Variants in PLCL1 observed in about 807,000 individuals in gnomAD.
The protein encoded by PLCL1 is phospholipase C like 1 (inactive).
In PLCL1, 41 loss-of-function variants were observed where a neutral mutation model predicts 84.4. That is an observed-to-expected ratio of 0.49 (90% confidence interval 0.38 to 0.63). PLCL1 has a LOEUF of 0.63. Ranked by LOEUF, PLCL1 falls within the 30% of genes least tolerant of loss-of-function variation. PLCL1 has a pLI of 0.00. For synonymous variants in PLCL1, 490 were observed against 488.3 expected (o/e 1.00, Z -0.05); for missense variants, 1,206 against 1,367.8 (o/e 0.88, Z 1.87).
chr2:197,939,986 T>G (rs866192472), intron 1 of PLCL1, among the ~76,000 whole-genome samples: 144 of 152,292 alleles, frequency 9.5e-4, no homozygotes, highest in African/African-American at 3.3e-3. Context: ...GGGTGGGATG[T>G]TGTTAGTTTA....
intron 1 of PLCL1, among the ~76,000 whole-genome samples, chr2:198,025,498 G>T (rs1439393787): frequency 6.6e-6 from 1 of 152,024 alleles, no homozygotes; most frequent in South Asian, 2.1e-4. Flanking sequence ...CACACTGATA[G>T]ACATAGGGGT....
intron 1 of PLCL1, among the ~76,000 whole-genome samples, chr2:197,854,521 T>C (rs2105686009): frequency 6.6e-6 from 1 of 152,344 alleles, no homozygotes; most frequent in East Asian, 1.9e-4. Context: ...TTAAGCATTA[T>C]AATGTTTGCA....
chr2:198,002,063 A>G (rs1690614096), intron 1 of PLCL1: 9 of 366,396 alleles, frequency 2.5e-5, no homozygotes, highest in South Asian at 2.0e-4. Context: ...ATAAAAATAA[A>G]GGGCACAATA....
At chr2:197,881,806 C>A (rs770955318) in intron 1 of PLCL1, among the ~76,000 whole-genome samples, 1 of 152,096 alleles carries the variant, frequency 6.6e-6, no homozygotes, top group Non-Finnish European at 1.5e-5. Context: ...TATGAACCTG[C>A]AAGCATTCAT....
At chr2:197,895,297 G>T (rs933039963) in intron 1 of PLCL1, among the ~76,000 whole-genome samples, 1 of 151,856 alleles carries the variant, frequency 6.6e-6, no homozygotes, top group East Asian at 1.9e-4. Flanking sequence ...AAAGTAAAAG[G>T]TGCCATTCTA....
intron 1 of PLCL1, among the ~76,000 whole-genome samples, chr2:197,809,011 T>A (rs1267377294): frequency 6.6e-6 from 1 of 152,176 alleles, no homozygotes; most frequent in Admixed American, 6.5e-5. Context: ...CATGTCTCAT[T>A]ATTTTATATC....
At chr2:198,000,687 C>T (rs1179549249) in intron 1 of PLCL1, among the ~76,000 whole-genome samples, 2 of 151,130 alleles carry the variant, frequency 1.3e-5, no homozygotes, top group African/African-American at 2.4e-5. Flanking sequence ...GTGACTTATT[C>T]GAGGTGATAA....
rs1326272602 is a variant in PLCL1 at position 198,084,911 on chromosome 2, A to G, written c.1394A>G (p.His465Arg). 7 of 1,613,910 alleles carry G rather than the reference A, an allele frequency of 4.3e-6. No individual in the cohort carries two copies. The Admixed American group carries it at 1.0e-4, about 23-fold the overall frequency. ...TGTAATCGAAATAACATGACAACCC[A>G]TGTTTCCTTTCGAAGTGTCATAGAG... ...ILCNRNNMTT[H>R]VSFRSVIEVI... is the part of the protein sequence containing the mutation. Residue 465 changes from histidine to arginine, a missense_variant, in exon 2 of 6, where the codon CAT becomes CGT. Coordinates refer to ENST00000428675, the MANE Select transcript of PLCL1 (RefSeq NM_006226.4).
intron 1 of PLCL1, among the ~76,000 whole-genome samples, chr2:197,840,218 G>T (rs1032909597): frequency 1.3e-5 from 2 of 152,212 alleles, no homozygotes. Flanking sequence ...GAAGCTTTGA[G>T]ATGAATTAAA....
intron 1 of PLCL1, among the ~76,000 whole-genome samples, chr2:198,045,735 A>C (rs887133090): frequency 6.6e-6 from 1 of 152,226 alleles, no homozygotes; most frequent in Non-Finnish European, 1.5e-5. Flanking sequence ...TAATGAGTAG[A>C]CATTTACTTA....
chr2:198,017,453 G>A (rs2105836014), intron 1 of PLCL1, among the ~76,000 whole-genome samples: 1 of 152,306 alleles, frequency 6.6e-6, no homozygotes, highest in Non-Finnish European at 1.5e-5. Context: ...CATAAAAGAG[G>A]AATCTAGGAA....
At chr2:197,903,916 C>T (rs1688325356) in intron 1 of PLCL1, among the ~76,000 whole-genome samples, 1 of 151,460 alleles carries the variant, frequency 6.6e-6, no homozygotes, top group South Asian at 2.1e-4. Flanking sequence ...GATTCACCTG[C>T]CTCAGCCTCC....
chr2:198,052,319 G>A (rs1339194442), intron 1 of PLCL1, among the ~76,000 whole-genome samples: 2 of 152,168 alleles, frequency 1.3e-5, no homozygotes, highest in African/African-American at 4.8e-5. Context: ...CCAAAGTGCT[G>A]GGATTATAGG....
chr2:198,099,201 G>A (rs922624745), intron 3 of PLCL1, among the ~76,000 whole-genome samples: 3 of 151,828 alleles, frequency 2.0e-5, no homozygotes, highest in Non-Finnish European at 4.4e-5. Context: ...CCCGGCTCAG[G>A]GATTATCTGA....
At chr2:198,058,339 A>G (rs560391517) in intron 1 of PLCL1, among the ~76,000 whole-genome samples, 16 of 152,218 alleles carry the variant, frequency 1.1e-4, no homozygotes, top group Non-Finnish European at 8.8e-5. Flanking sequence ...CAAAGGCTGC[A>G]TCCCAAATTA....
chr2:198,130,456 G>A (rs930651971), intron 5 of PLCL1, among the ~76,000 whole-genome samples: 2 of 152,102 alleles, frequency 1.3e-5, no homozygotes, highest in African/African-American at 4.8e-5. Flanking sequence ...AATCTCAAGT[G>A]TGTATTTTTG....
chr2:198,033,863 A>G (rs971060019), intron 1 of PLCL1, among the ~76,000 whole-genome samples: 2 of 151,960 alleles, frequency 1.3e-5, no homozygotes, highest in Non-Finnish European at 1.5e-5. Flanking sequence ...CTGACTGTGC[A>G]TTAGAATTGC....
At position 197,958,311 on chromosome 2, in the gene PLCL1, T is replaced by C. The variant is rs141538308; in HGVS notation, c.241-125447T>C. 4.5e-3 allele frequency among the ~76,000 whole-genome samples: 680 copies of C among 152,034 alleles called. 5 individuals are homozygous for C. Among genetic ancestry groups the C allele is most frequent in the African/African-American group, 0.016 (651 of 41,496 alleles). On this transcript the variant is annotated intron_variant, in intron 1 of 5. Coordinates refer to ENST00000428675, the MANE Select transcript of PLCL1 (RefSeq NM_006226.4). Reference sequence around the variant, plus strand: ...CCCTGGTCCACATTAGAAGAAGAATTGTCTTGGACCACACATAAAATACAC... The same window carrying C: ...CCCTGGTCCACATTAGAAGAAGAATCGTCTTGGACCACACATAAAATACAC...
chr2:197,864,977 T>C (rs1687502697), intron 1 of PLCL1, among the ~76,000 whole-genome samples: 1 of 152,200 alleles, frequency 6.6e-6, no homozygotes, highest in African/African-American at 2.4e-5. Context: ...AACCCTTTTA[T>C]TTAAAGTTAG....
Sources: allele counts gnomAD v4.1 joint callset (sites outside exome capture counted in the v4.1 genomes callset), GRCh38; gene constraint gnomAD v4.1.1; transcripts MANE v1.5; gene names NCBI Gene and HGNC (gene_info 2026-07-23, HGNC 2026-07-21).